Variants in RBL1 observed in about 807,000 individuals in gnomAD.
RBL1 encodes retinoblastoma-like protein 1.
A neutral mutation model predicts 123.0 loss-of-function variants in RBL1; 82 were observed. The observed-to-expected ratio is 0.67, with a 90% CI of 0.56 to 0.80. RBL1 has a LOEUF of 0.80. RBL1 is among the 30% of genes least tolerant of loss of function. The probability of loss-of-function intolerance (pLI) is 0.00; values close to 1 mark genes in which losing one functional copy is unlikely to be tolerated. For missense variants in RBL1, 1,171 were observed against 1,299.6 expected, an observed-to-expected ratio of 0.90 and a Z score of 1.52; for synonymous variants, 405 against 441.3, an observed-to-expected ratio of 0.92 and a Z score of 1.03.
intron 19 of RBL1, among the ~76,000 whole-genome samples, chr20:37,013,207 G>A (rs922210641): frequency 1.1e-4 from 16 of 152,270 alleles, no homozygotes; most frequent in South Asian, 4.1e-4. Context: ...TGTAGAAAGA[G>A]GTAGACATGG....
intron 2 of RBL1, among the ~76,000 whole-genome samples, chr20:37,077,396 T>G (rs1032127696): frequency 6.6e-6 from 1 of 152,202 alleles, no homozygotes; most frequent in African/African-American, 2.4e-5. Context: ...ATTGGTGGAC[T>G]TTTAGTAAAG....
intron 2 of RBL1, among the ~76,000 whole-genome samples, chr20:37,074,781 T>C (rs532245342): frequency 3.4e-5 from 5 of 148,656 alleles, no homozygotes; most frequent in African/African-American, 1.2e-4. Context: ...GCCGAGATCA[T>C]GCCACTGCAC....
chr20:37,002,336 G>GTTTTTTTTTTTTTTTTTTTTTTTTT lies in RBL1; in HGVS notation c.3036+1365_3036+1366insAAAAAAAAAAAAAAAAAAAAAAAAA, dbSNP rs965408801. ...TGAGCCACCGTGCCTAGCCTTATCT[G>GTTTTTTTTTTTTTTTTTTTTTTTTT]TTTTTTTTTTTTTTTTTTTTTTTTG... On this transcript the variant is annotated intron_variant, in intron 21 of 21. Coordinates refer to ENST00000373664, the MANE Select transcript of RBL1 (RefSeq NM_002895.5). Among the ~76,000 whole-genome samples, 12 of 76,346 alleles carry GTTTTTTTTTTTTTTTTTTTTTTTTT rather than the reference G, an allele frequency of 1.6e-4. No homozygotes were observed. In the East Asian group the frequency reaches 2.1e-3, roughly 13 times the overall value. The allele number at this position is 76,346 out of a possible 152,430, so 50.1% of individuals were successfully genotyped here. A position where few individuals can be genotyped will look rare whatever the true frequency, so the allele number is the denominator to read the frequency against.
chr20:37,065,530 C>T, intron 6 of RBL1, 57 bp from the exon 7 acceptor site: 3 of 1,139,118 alleles, frequency 2.6e-6, no homozygotes, highest in Non-Finnish European at 3.8e-6. Flanking sequence ...AATACACACA[C>T]AAACGTGAAA....
In RBL1 at chr20:36,998,190, T is replaced by G. The variant is rs533382586; in HGVS notation, c.*569A>C. 2 of 152,090 alleles carry G rather than the reference T, an allele frequency of 1.3e-5. No homozygotes were observed. The highest frequency in any genetic ancestry group is 1.3e-4 in the Admixed American group (2 of 15,260). The allele number at this position is 152,090 out of a possible 1,614,324, so 9.4% of individuals were successfully genotyped here. On this transcript the variant is annotated 3_prime_UTR_variant, in exon 22 of 22. Transcript: ENST00000373664. ...TTTCTCCTTATTTCATCTTGAAAAC[T>G]CAAGGAGCAAACATTAAAAAAAATT... is the stretch of plus-strand genomic sequence containing the variant.
chr20:37,022,248 C>T (rs550722836), intron 17 of RBL1, among the ~76,000 whole-genome samples: 5 of 152,210 alleles, frequency 3.3e-5, no homozygotes, highest in East Asian at 3.8e-4. Flanking sequence ...ACTTAAAACA[C>T]GTTGTAGCAA....
intron 11 of RBL1, among the ~76,000 whole-genome samples, chr20:37,050,778 C>CATGAAAAAA (rs2064897495): frequency 6.7e-6 from 1 of 149,468 alleles, no homozygotes; most frequent in Non-Finnish European, 1.5e-5. Context: ...ATGACAGACA[C>CATGAAAAAA]ATGAATGAAA....
At position 36,999,283 on chromosome 20, in the gene RBL1, G is replaced by A. The variant is rs2063924496; in HGVS notation, c.3037-354C>T. Among the ~76,000 whole-genome samples, 3 of 151,992 alleles carry A rather than the reference G, an allele frequency of 2.0e-5. No individual in the cohort carries two copies. In the South Asian group the frequency reaches 6.2e-4, roughly 32 times the overall value. ...TAGCCAGGTGTGGTGGCTTGTGCCT[G>A]TAGTCTCAGCTACTCGGGAGGTTAA... On this transcript the variant is annotated intron_variant, in intron 21 of 21. Coordinates refer to ENST00000373664, the MANE Select transcript of RBL1 (RefSeq NM_002895.5).
intron 2 of RBL1, among the ~76,000 whole-genome samples, chr20:37,076,828 C>T (rs1418974183): frequency 1.3e-5 from 2 of 152,106 alleles, no homozygotes; most frequent in Admixed American, 6.6e-5. Context: ...CCTTTTATCT[C>T]TTAAACTTTT....
At chr20:37,055,529 A>G (rs1051741482) in intron 11 of RBL1, 24 bp downstream of exon 11, 1 of 1,613,834 alleles carries the variant, frequency 6.2e-7, no homozygotes, top group Non-Finnish European at 8.5e-7. Flanking sequence ...CCTTGCCAGT[A>G]GCTCAGAGAG....
At chr20:37,081,024 G>A (rs1406418810) in intron 2 of RBL1, among the ~76,000 whole-genome samples, 3 of 152,118 alleles carry the variant, frequency 2.0e-5, no homozygotes, top group Admixed American at 6.6e-5. Context: ...GAGGTTCCTG[G>A]GCTTGTCAGA....
intron 2 of RBL1, among the ~76,000 whole-genome samples, chr20:37,077,029 C>T (rs992489237): frequency 2.0e-5 from 3 of 151,690 alleles, no homozygotes; most frequent in Admixed American, 6.6e-5. Context: ...CTCCGCCTTC[C>T]GGGTTCAAGC....
chr20:37,034,764 T>TA (rs965035367), intron 15 of RBL1, among the ~76,000 whole-genome samples: 29 of 146,084 alleles, frequency 2.0e-4, no homozygotes, highest in East Asian at 6.0e-4. Flanking sequence ...AATTTAAAAA[T>TA]AAAAAAAAAA....
chr20:37,032,864 T>G lies in RBL1; in HGVS notation c.2183A>C (p.Asp728Ala). Residue 728 changes from aspartate to alanine, a missense_variant, in exon 16 of 22, where the codon GAT (aspartate) becomes GCT (alanine). Coordinates refer to ENST00000373664, the MANE Select transcript of RBL1 (RefSeq NM_002895.5). ...AGGTATCAGTGTGATCTCTCCAGCA[T>G]CATTTGCGACACCTGAATGTATAAG... ...VTIPLHGVAN[D>A]AGEITLIPLS... 3.1e-6 allele frequency: 5 copies of G among 1,613,994 alleles called. No homozygotes were observed. Among genetic ancestry groups the G allele is most frequent in the Non-Finnish European group, 2.5e-6 (3 of 1,179,992 alleles).
intron 14 of RBL1, among the ~76,000 whole-genome samples, chr20:37,037,555 T>C (rs1018730436): frequency 2.6e-5 from 4 of 152,154 alleles, no homozygotes; most frequent in Non-Finnish European, 5.9e-5. Context: ...CATTAATAAC[T>C]GACAGAAAGA....
intron 3 of RBL1, among the ~76,000 whole-genome samples, 189 bp downstream of exon 3, chr20:37,067,797 A>G (rs2065205113): frequency 6.6e-6 from 1 of 150,608 alleles, no homozygotes. Context: ...AAAAACAACA[A>G]CAGAAAGAAA....
intron 13 of RBL1, among the ~76,000 whole-genome samples, chr20:37,040,781 C>CATA (rs1185093277): frequency 6.6e-6 from 1 of 152,064 alleles, no homozygotes; most frequent in African/African-American, 2.4e-5. Context: ...TTCATTTAAC[C>CATA]TTATAATTTA....
chr20:37,047,108 C>G lies in RBL1; in HGVS notation c.1550G>C (p.Arg517Pro), dbSNP rs780855705. The change falls in exon 12 of 22, where the codon CGT becomes CCT. Residue 517 changes from arginine (R) to proline (P), a missense_variant. By Grantham distance (103) the Arg-to-Pro change is moderately radical. Transcript: ENST00000373664. ...AACTTCAATAATCCAAGGAAAAGTA[C>G]GAGGTGAGCTATAGGCAAAGAGCAC... ...EIVLFAYSSP[R>P]TFPWIIEVLN... The G allele has an allele frequency of 2.5e-6, 4 of 1,604,006 alleles. No individual in the cohort carries two copies. Among genetic ancestry groups the G allele is most frequent in the South Asian group, 1.1e-5 (1 of 88,534 alleles).
chr20:37,053,336 G>A (rs2064949709), intron 11 of RBL1, among the ~76,000 whole-genome samples: 2 of 152,248 alleles, frequency 1.3e-5, no homozygotes, highest in South Asian at 2.1e-4. Flanking sequence ...ATTCTCCTAC[G>A]TCTGCATGAG....
Sources: allele counts gnomAD v4.1 joint callset (sites outside exome capture counted in the v4.1 genomes callset), GRCh38; gene constraint gnomAD v4.1.1; transcripts MANE v1.5; gene names NCBI Gene and HGNC (gene_info 2026-07-23, HGNC 2026-07-21).